Variants in ZFAND6 observed in about 807,000 individuals in gnomAD.
ZFAND6 encodes the protein zinc finger AN1-type containing 6.
ZFAND6 carries 12 observed loss-of-function variants against 24.5 expected under a neutral mutation model. The ratio of observed to expected loss-of-function variants is 0.49; its 90% CI spans 0.31 to 0.79. ZFAND6 has a LOEUF of 0.79. ZFAND6 is among the 30% of genes least tolerant of loss of function. The probability of loss-of-function intolerance (pLI) is 0.04; values close to 1 mark genes in which losing one functional copy is unlikely to be tolerated. For synonymous variants in ZFAND6, 92 were observed against 81.5 expected (o/e 1.13, Z -0.69); for missense variants, 207 against 245.9 (o/e 0.84, Z 1.06).
At chr15:80,066,136 A>G (rs958352121) in intron 1 of ZFAND6, among the ~76,000 whole-genome samples, 8 of 152,156 alleles carry the variant, frequency 5.3e-5, no homozygotes, top group African/African-American at 1.9e-4. Flanking sequence ...CAGTCTGTCA[A>G]TATAGACAAA....
intron 3 of ZFAND6, 70 bp from the exon 4 acceptor site, chr15:80,121,642 A>AT: frequency 3.0e-6 from 4 of 1,321,492 alleles, no homozygotes; most frequent in Non-Finnish European, 4.2e-6. Flanking sequence ...ATGGATTTTG[A>AT]TTTTTTTAGA....
At chr15:80,085,000 A>G (rs998268087) in intron 1 of ZFAND6, among the ~76,000 whole-genome samples, 9 of 152,216 alleles carry the variant, frequency 5.9e-5, no homozygotes, top group Non-Finnish European at 8.8e-5. Context: ...TGAACAAGAT[A>G]CTTAACTCCT....
At chr15:80,063,537 A>C (rs4778744) in intron 1 of ZFAND6, among the ~76,000 whole-genome samples, 1 of 150,714 alleles carries the variant, frequency 6.6e-6, no homozygotes, top group Non-Finnish European at 1.5e-5. Flanking sequence ...GACTACAGAC[A>C]TGCACCACCA....
chr15:80,107,905 G>A (rs1251906856), intron 2 of ZFAND6, among the ~76,000 whole-genome samples: 1 of 152,016 alleles, frequency 6.6e-6, no homozygotes, highest in African/African-American at 2.4e-5. Context: ...CCTCTGAAAG[G>A]ATCTCAAGAA....
chr15:80,099,045 A>T (rs1311440735), intron 2 of ZFAND6, among the ~76,000 whole-genome samples: 1 of 152,078 alleles, frequency 6.6e-6, no homozygotes, highest in East Asian at 1.9e-4. Flanking sequence ...CTAATATTTT[A>T]AAAAATAACT....
intron 2 of ZFAND6, among the ~76,000 whole-genome samples, chr15:80,118,016 T>TTGTGTGTGTGTGTGTGTGTGTGTGTG (rs71455308): frequency 2.0e-5 from 3 of 150,420 alleles, no homozygotes; most frequent in African/African-American, 7.3e-5. Context: ...AGGTATTGAA[T>TTGTGTGTGTGTGTGTGTGTGTGTGTG]TGTGTGTGTG....
chr15:80,136,650 G>A (rs2040879269), intron 6 of ZFAND6, among the ~76,000 whole-genome samples: 1 of 152,104 alleles, frequency 6.6e-6, no homozygotes, highest in Non-Finnish European at 1.5e-5. Flanking sequence ...TGGCAATGGA[G>A]GTTAACATCA....
Position 80,113,166 on chromosome 15 carries a change from A to G in ZFAND6, c.-17-7162A>G, listed in dbSNP as rs1333134862. On this transcript the variant is annotated intron_variant, in intron 2 of 6. Coordinates refer to ENST00000261749, the MANE Select transcript of ZFAND6 (RefSeq NM_019006.4). ...TCCCAAAATGAAAAGGCCAAAGATA[A>G]CTTATAAGATCAGTCAGATAACTAA... Among the ~76,000 whole-genome samples, 4 of 152,358 alleles carry G rather than the reference A, an allele frequency of 2.6e-5. No individual in the cohort carries two copies. The East Asian group carries it at 5.8e-4, about 22-fold the overall frequency.
At chr15:80,090,229 G>T (rs375085281) in intron 1 of ZFAND6, among the ~76,000 whole-genome samples, 3 of 152,150 alleles carry the variant, frequency 2.0e-5, no homozygotes, top group Non-Finnish European at 4.4e-5. Context: ...GTATCTGATA[G>T]TACCTAAGTA....
chr15:80,133,393 C>T (rs1349334660), intron 6 of ZFAND6, among the ~76,000 whole-genome samples: 2 of 152,026 alleles, frequency 1.3e-5, no homozygotes, highest in Admixed American at 6.6e-5. Flanking sequence ...TGGGGTTTCA[C>T]CACGTTGGCC....
intron 1 of ZFAND6, among the ~76,000 whole-genome samples, chr15:80,068,806 G>T: frequency 6.6e-6 from 1 of 152,198 alleles, no homozygotes; most frequent in East Asian, 1.9e-4. Context: ...ACCACATGTG[G>T]CTCTCATTAT....
chr15:80,082,555 T>G (rs78347786), intron 1 of ZFAND6, among the ~76,000 whole-genome samples: 1,949 of 152,322 alleles, frequency 0.013, 40 homozygotes, highest in African/African-American at 0.044. Context: ...TTGTTGTTTT[T>G]GAAGTTCTGT....
intron 1 of ZFAND6, among the ~76,000 whole-genome samples, chr15:80,074,628 G>GTA (rs1035398153): frequency 1.3e-5 from 2 of 151,878 alleles, no homozygotes; most frequent in African/African-American, 4.8e-5. Context: ...CTTTGAAATG[G>GTA]TATATCAGCA....
intron 1 of ZFAND6, chr15:80,060,158 C>G (rs1390481079): frequency 6.6e-6 from 1 of 152,104 alleles, no homozygotes; most frequent in African/African-American, 2.4e-5. Context: ...CGCGCCGCCC[C>G]GAGCGGGTTG....
intron 1 of ZFAND6, among the ~76,000 whole-genome samples, chr15:80,095,707 G>T (rs2038679007): frequency 6.6e-6 from 1 of 152,196 alleles, no homozygotes; most frequent in Admixed American, 6.5e-5. Context: ...TGTTGAACAA[G>T]AATGTCTCCT....
intron 1 of ZFAND6, among the ~76,000 whole-genome samples, chr15:80,064,366 C>T (rs1344586828): frequency 6.6e-6 from 1 of 152,096 alleles, no homozygotes; most frequent in Non-Finnish European, 1.5e-5. Context: ...TCTGTCTATC[C>T]ATCTACCCTC....
At chr15:80,069,627 T>G (rs963147554) in intron 1 of ZFAND6, among the ~76,000 whole-genome samples, 2 of 147,506 alleles carry the variant, frequency 1.4e-5, no homozygotes, top group Non-Finnish European at 3.0e-5. Flanking sequence ...TTTTTTGTTA[T>G]TTATTTATTT....
At chr15:80,094,211 G>A (rs1390784854) in intron 1 of ZFAND6, among the ~76,000 whole-genome samples, 1 of 152,204 alleles carries the variant, frequency 6.6e-6, no homozygotes, top group Non-Finnish European at 1.5e-5. Context: ...CCCAGTCCCT[G>A]GGCTGGCAAC....
At chr15:80,068,748 G>A (rs968543009) in intron 1 of ZFAND6, among the ~76,000 whole-genome samples, 2 of 152,124 alleles carry the variant, frequency 1.3e-5, no homozygotes, top group Non-Finnish European at 2.9e-5. Context: ...GTGAGCCACC[G>A]TGCCCAGCCA....
Sources: allele counts gnomAD v4.1 joint callset (sites outside exome capture counted in the v4.1 genomes callset), GRCh38; gene constraint gnomAD v4.1.1; transcripts MANE v1.5; gene names NCBI Gene and HGNC (gene_info 2026-07-23, HGNC 2026-07-21).